Variants in EPHA6 observed in about 807,000 individuals in gnomAD.
EPHA6 encodes EPH receptor A6.
A neutral mutation model predicts 112.0 loss-of-function variants in EPHA6; 50 were observed. The ratio of observed to expected loss-of-function variants is 0.45; its 90% CI spans 0.36 to 0.56. The LOEUF (loss-of-function observed/expected upper bound fraction) is 0.56. Ranked by LOEUF, EPHA6 falls within the 20% of genes least tolerant of loss-of-function variation. EPHA6 has a pLI of 0.00. For synonymous variants in EPHA6, 529 were observed against 490.7 expected, an observed-to-expected ratio of 1.08 and a Z score of -1.03; for missense variants, 1,280 against 1,417.4, an observed-to-expected ratio of 0.90 and a Z score of 1.56.
At chr3:96,849,904 A>T (rs2107364265) in intron 1 of EPHA6, among the ~76,000 whole-genome samples, 2 of 152,306 alleles carry the variant, frequency 1.3e-5, no homozygotes, top group Middle Eastern at 6.8e-3. Flanking sequence ...ACATACAGGA[A>T]TCATTCAAGA....
intron 14 of EPHA6, among the ~76,000 whole-genome samples, chr3:97,696,416 T>A (rs1335509192): frequency 6.6e-6 from 1 of 152,240 alleles, no homozygotes; most frequent in African/African-American, 2.4e-5. Flanking sequence ...TGCAAGTTTT[T>A]CCTCAAGATG....
chr3:97,312,885 C>A (rs2081626652), intron 5 of EPHA6, among the ~76,000 whole-genome samples: 1 of 151,372 alleles, frequency 6.6e-6, no homozygotes, highest in Admixed American at 6.6e-5. Flanking sequence ...AGTAACAAAT[C>A]CATCATCTCA....
intron 14 of EPHA6, among the ~76,000 whole-genome samples, chr3:97,671,435 G>A (rs1339571902): frequency 6.6e-6 from 1 of 152,112 alleles, no homozygotes; most frequent in East Asian, 1.9e-4. Context: ...TTCTTATCCA[G>A]TCACTGTAAT....
chr3:97,313,829 T>C (rs1329288416), intron 5 of EPHA6, among the ~76,000 whole-genome samples: 1 of 151,630 alleles, frequency 6.6e-6, no homozygotes, highest in East Asian at 1.9e-4. Context: ...CACTGGATTG[T>C]CTCTTCACTC....
At chr3:97,607,679 C>A (rs2107444950) in intron 12 of EPHA6, among the ~76,000 whole-genome samples, 1 of 151,082 alleles carries the variant, frequency 6.6e-6, no homozygotes, top group East Asian at 1.9e-4. Context: ...ATTCAAGAAG[C>A]CTGGTTTGTC....
intron 15 of EPHA6, among the ~76,000 whole-genome samples, chr3:97,721,443 C>G (rs1001856009): frequency 6.6e-6 from 1 of 152,152 alleles, no homozygotes; most frequent in African/African-American, 2.4e-5. Context: ...GTGTTTCTCC[C>G]TGCCATACAG....
intron 5 of EPHA6, among the ~76,000 whole-genome samples, chr3:97,249,168 A>G (rs1000771231): frequency 1.3e-5 from 2 of 152,128 alleles, no homozygotes; most frequent in African/African-American, 4.8e-5. Context: ...TTAACTAAGA[A>G]AGATGCTGTA....
chr3:97,016,152 G>A (rs2044260501), intron 3 of EPHA6, among the ~76,000 whole-genome samples: 2 of 151,972 alleles, frequency 1.3e-5, no homozygotes, highest in Non-Finnish European at 2.9e-5. Context: ...CTTGCTGTAG[G>A]TATGGGCTGC....
At chr3:97,643,618 C>CA (rs979098673) in intron 14 of EPHA6, among the ~76,000 whole-genome samples, 11 of 149,770 alleles carry the variant, frequency 7.3e-5, no homozygotes, top group African/African-American at 2.2e-4. Context: ...AAATGGAAAA[C>CA]AAAAAAAAGC....
At chr3:97,416,788 AT>A in intron 6 of EPHA6, among the ~76,000 whole-genome samples, 1 of 152,190 alleles carries the variant, frequency 6.6e-6, no homozygotes, top group Non-Finnish European at 1.5e-5. Context: ...TTGAAAATTT[AT>A]TTTCTTTCAT....
At chr3:97,046,911 A>G (rs2045527143) in intron 3 of EPHA6, among the ~76,000 whole-genome samples, 1 of 152,300 alleles carries the variant, frequency 6.6e-6, no homozygotes, top group Middle Eastern at 3.4e-3. Flanking sequence ...AATGTATATC[A>G]TTAATAAACT....
chr3:96,834,185 C>A (rs1030587106), intron 1 of EPHA6, among the ~76,000 whole-genome samples: 2 of 151,902 alleles, frequency 1.3e-5, no homozygotes, highest in Non-Finnish European at 2.9e-5. Flanking sequence ...CCTCAGTTTA[C>A]AGAGTATGTA....
At chr3:97,072,251 A>G (rs553747121) in intron 3 of EPHA6, among the ~76,000 whole-genome samples, 1 of 152,250 alleles carries the variant, frequency 6.6e-6, no homozygotes, top group Admixed American at 6.6e-5. Context: ...CATTTTTAGT[A>G]CCTATGAAAG....
chr3:97,533,047 A>G (rs973852173), intron 11 of EPHA6, among the ~76,000 whole-genome samples: 5 of 151,978 alleles, frequency 3.3e-5, no homozygotes, highest in African/African-American at 1.2e-4. Context: ...CCTCAAGTAA[A>G]AATTCTTCTT....
In EPHA6 at chr3:97,760,405, T is replaced by C. The variant is rs1255413181; in HGVS notation, c.*11704T>C. 6.0e-6 allele frequency: 1 copy of C among 165,506 alleles called. No homozygotes were observed. The highest frequency in any genetic ancestry group is 2.4e-5 in the African/African-American group (1 of 41,526). 10.3% of individuals were successfully genotyped at this position (165,506 alleles called of 1,614,324 possible). On this transcript the variant is annotated 3_prime_UTR_variant, in exon 18 of 18. Coordinates refer to ENST00000389672, the MANE Select transcript of EPHA6 (RefSeq NM_001080448.3). ...ATATACATATGTATGTGTGTATGTG[T>C]GTATATATATCTCTCTAGGTTGTAT...
At chr3:97,160,165 G>A (rs1342842979) in intron 3 of EPHA6, among the ~76,000 whole-genome samples, 1 of 152,064 alleles carries the variant, frequency 6.6e-6, no homozygotes, top group African/African-American at 2.4e-5. Context: ...AGGTGGCCGG[G>A]AAAAAAGTCT....
chr3:97,298,093 A>G (rs1283467974), intron 5 of EPHA6, among the ~76,000 whole-genome samples: 1 of 152,190 alleles, frequency 6.6e-6, no homozygotes, highest in African/African-American at 2.4e-5. Context: ...TTTAAATACT[A>G]CTAAATTTTT....
At chr3:97,035,989 G>T (rs547840541) in intron 3 of EPHA6, among the ~76,000 whole-genome samples, 1 of 152,076 alleles carries the variant, frequency 6.6e-6, no homozygotes, top group South Asian at 2.1e-4. Flanking sequence ...CCTCATAAAA[G>T]AGGCTCCAGA....
chr3:97,600,316 G>A (rs894010661), intron 12 of EPHA6, among the ~76,000 whole-genome samples: 3 of 150,184 alleles, frequency 2.0e-5, no homozygotes, highest in African/African-American at 2.5e-5. Flanking sequence ...GAATAGGAGT[G>A]GTGAGAGAGG....
Sources: gnomAD v4.1 joint callset for allele counts (sites outside exome capture counted in the v4.1 genomes callset) on GRCh38, gnomAD v4.1.1 for gene constraint, MANE v1.5 for transcripts, NCBI Gene and HGNC (gene_info 2026-07-23, HGNC 2026-07-21) for gene names.